Variants in SPOCD1 observed in about 807,000 individuals in gnomAD.
The protein encoded by SPOCD1 is SPOC domain containing 1, also known as SPOC domain-containing protein 1.
Under a neutral mutation model 92.2 loss-of-function variants are expected in SPOCD1, and 64 were observed. The ratio of observed to expected loss-of-function variants is 0.69; its 90% confidence interval spans 0.57 to 0.86. The LOEUF (loss-of-function observed/expected upper bound fraction) is 0.86. SPOCD1 is among the 40% of genes least tolerant of loss of function. The pLI, the probability that SPOCD1 is intolerant of heterozygous loss-of-function variation, is 0.00. For synonymous variants in SPOCD1, 578 were observed against 619.3 expected, an observed-to-expected ratio of 0.93 and a Z score of 0.99; for missense variants, 1,360 against 1,543.1, an observed-to-expected ratio of 0.88 and a Z score of 1.99.
At chr1:31,812,724 T>G (rs1430356043) in intron 2 of SPOCD1, among the ~76,000 whole-genome samples, 1 of 152,202 alleles carries the variant, frequency 6.6e-6, no homozygotes, top group Non-Finnish European at 1.5e-5. Flanking sequence ...CCAGCACATG[T>G]TAAGCAAGCC....
In SPOCD1 at chr1:31,790,455, A is replaced by G; in HGVS notation, c.*148T>C. ...TTACCAAATTCTTTATTGAACAAAAAATCAACAGCAAACATTGTCAAACAG... is the reference window on the plus strand; with the variant it reads ...TTACCAAATTCTTTATTGAACAAAAGATCAACAGCAAACATTGTCAAACAG... On this transcript the variant is annotated 3_prime_UTR_variant, in exon 16 of 16. Transcript: ENST00000360482. The G allele has an allele frequency of 1.3e-6, 1 of 762,100 alleles. No homozygotes were observed. The highest frequency in any genetic ancestry group is 2.8e-5 in the East Asian group (1 of 36,340). 47.2% of individuals were successfully genotyped at this position (762,100 alleles called of 1,614,324 possible).
rs760286334 is a variant in SPOCD1, at chr1:31,815,135, C to G, written c.199G>C (p.Gly67Arg). Reference sequence around the variant, plus strand: ...GCACCTGCAGCCCGGGAGCTGCCACCTCGAAGGGCCTCCTTCCTGGGGATC... The same window carrying G: ...GCACCTGCAGCCCGGGAGCTGCCACGTCGAAGGGCCTCCTTCCTGGGGATC... ...RKIPRKEALRGGSSRAAGAAE... is the reference protein window; with the variant it reads ...RKIPRKEALRRGSSRAAGAAE... The change falls in exon 2 of 16, where the codon GGT (glycine) becomes CGT (arginine). Residue 67 changes from glycine (G) to arginine (R), a missense_variant. By Grantham distance (125) the Gly-to-Arg change is moderately radical. Transcript: ENST00000360482. The G allele has an allele frequency of 4.4e-6, 7 of 1,608,478 alleles. No homozygotes were observed. In the Admixed American group the frequency reaches 1.2e-4, roughly 27 times the overall value.
intron 2 of SPOCD1, among the ~76,000 whole-genome samples, chr1:31,809,718 T>C (rs994567632): frequency 2.6e-5 from 4 of 152,210 alleles, no homozygotes; most frequent in Non-Finnish European, 5.9e-5. Context: ...ATCTACCTCA[T>C]GGTGTTGGGG....
Position 31,793,762 on chromosome 1 carries a change from G to A in SPOCD1, c.2519C>T (p.Thr840Met), listed in dbSNP as rs142363730. 41 of 1,614,152 alleles carry A rather than the reference G, an allele frequency of 2.5e-5. No homozygotes were observed. The African/African-American group carries it at 2.7e-4, about 10-fold the overall frequency. The change falls in exon 12 of 16, where the codon ACG becomes ATG. Residue 840 changes from threonine (T) to methionine (M), a missense_variant. Transcript: ENST00000360482. ...AACCCCACACCTGTCCTGTGGTTCC[G>A]TGGGAGACAACTCCCTGGTTTTGGG... ...EMPKTRELSP[T>M]EPQDRVPPSG...
chr1:31,814,295 C>A lies in SPOCD1; in HGVS notation c.1039G>T (p.Val347Leu), dbSNP rs770473428. ...SAEQQEAVCV[V>L]RTGSDEGQAP... is the part of the protein sequence containing the mutation. ...TGGCCTTCATCGCTGCCAGTCCGCA[C>A]GACACACACAGCTTCTTGCTGCTCT... The change falls in exon 2 of 16, where the codon GTG becomes TTG. Residue 347 changes from valine to leucine, a missense_variant. By Grantham distance (32) the Val-to-Leu change is conservative. Coordinates refer to ENST00000360482, the MANE Select transcript of SPOCD1 (RefSeq NM_144569.7). The surrounding 1 kb of genome is among the most constrained non-coding windows in gnomAD (Gnocchi z 4.2). 3.8e-6 allele frequency: 6 copies of A among 1,576,840 alleles called. No individual in the cohort carries two copies. In the African/African-American group the frequency reaches 6.7e-5, roughly 18 times the overall value.
rs140694403 is a variant in SPOCD1, at chr1:31,798,556, C to T, written c.1914G>A (p.Glu638=). 37 of 1,613,520 alleles carry T rather than the reference C, an allele frequency of 2.3e-5. No individual in the cohort carries two copies. Among genetic ancestry groups the T allele is most frequent in the Non-Finnish European group, 1.3e-5 (15 of 1,179,988 alleles). ...CTGCCTCAATGCCAGCAGCAATGCC[C>T]TCCACCACCTCCTCACTCAGCACTG... ...PDPVLSEEVV[E]GIAAGIEAAL... is the part of the protein sequence containing the mutation. Residue 638 remains glutamate (E), a synonymous_variant, in exon 8 of 16, where the codon GAG becomes GAA. Coordinates refer to ENST00000360482, the MANE Select transcript of SPOCD1 (RefSeq NM_144569.7). This position sits in a 1 kb window ranked among gnomAD's most constrained non-coding sequence, Gnocchi z 4.1.
intron 2 of SPOCD1, among the ~76,000 whole-genome samples, chr1:31,807,126 G>A (rs1459044855): frequency 2.0e-5 from 3 of 149,378 alleles, no homozygotes; most frequent in South Asian, 4.5e-4. Flanking sequence ...GGTGGCTCAC[G>A]CCTGTAATCC....
intron 2 of SPOCD1, among the ~76,000 whole-genome samples, chr1:31,807,071 A>T (rs1321780252): frequency 6.6e-6 from 1 of 151,770 alleles, no homozygotes; most frequent in Non-Finnish European, 1.5e-5. Context: ...GACAAAAGCA[A>T]CAAAATATGT....
At chr1:31,795,091 G>A (rs1268279819) in intron 10 of SPOCD1, 1 of 152,214 alleles carries the variant, frequency 6.6e-6, no homozygotes, top group Non-Finnish European at 1.5e-5. Flanking sequence ...TTTAAATTAT[G>A]TCCTTAGGAC....
chr1:31,815,966 C>A lies in SPOCD1; in HGVS notation c.-45G>T, dbSNP rs949818709. The stretch of plus-strand genomic sequence containing the variant: ...ATCGGTCGCGTCGCTCTCACCTGGG[C>A]TTCCCTGAGTTTTCCCTCCTGGGGT... On this transcript the variant is annotated 5_prime_UTR_variant, in exon 1 of 16. Transcript: ENST00000360482. 2.7e-5 allele frequency: 4 copies of A among 150,106 alleles called. No homozygotes were observed. Among genetic ancestry groups the A allele is most frequent in the African/African-American group, 4.9e-5 (2 of 40,672 alleles). 9.3% of individuals were successfully genotyped at this position (150,106 alleles called of 1,614,324 possible).
intron 6 of SPOCD1, 53 bp downstream of exon 6, chr1:31,799,756 C>T (rs1648303376): frequency 6.2e-7 from 1 of 1,605,654 alleles, no homozygotes; most frequent in African/African-American, 1.3e-5. Flanking sequence ...TGAGTCCTCC[C>T]CAGACCCCAG....
intron 2 of SPOCD1, among the ~76,000 whole-genome samples, chr1:31,810,069 C>T (rs1029242322): frequency 2.6e-5 from 4 of 152,184 alleles, no homozygotes; most frequent in Non-Finnish European, 5.9e-5. Context: ...AGACAGCCCC[C>T]TCCTCTGCCC....
At position 31,815,159 on chromosome 1, in the gene SPOCD1, T is replaced by C; in HGVS notation, c.175A>G (p.Ile59Val). Residue 59 changes from isoleucine to valine, a missense_variant, in exon 2 of 16, where the codon ATC (isoleucine) becomes GTC (valine). By Grantham distance (29) the Ile-to-Val change is conservative. Transcript: ENST00000360482. Reference sequence around the variant, plus strand: ...CCTCGAAGGGCCTCCTTCCTGGGGATCTTCCTTCTGCTGCCAGCCCTGACT... The same window carrying C: ...CCTCGAAGGGCCTCCTTCCTGGGGACCTTCCTTCTGCTGCCAGCCCTGACT... ...PGVRAGSRRK[I>V]PRKEALRGGS... is the part of the protein sequence containing the mutation. 6.2e-7 allele frequency: 1 copy of C among 1,607,670 alleles called. No homozygotes were observed. Among genetic ancestry groups the C allele is most frequent in the Non-Finnish European group, 8.5e-7 (1 of 1,175,146 alleles).
Position 31,790,654 on chromosome 1 carries a change from C to T in SPOCD1, c.3600G>A (p.Leu1200=), listed in dbSNP as rs1158049445. 12 of 1,551,816 alleles carry T rather than the reference C, an allele frequency of 7.7e-6. No individual in the cohort carries two copies. Among genetic ancestry groups the T allele is most frequent in the Non-Finnish European group, 7.8e-6 (9 of 1,147,104 alleles). ...CAGAGCCAGCTTCATCTGTAGGCCC[C>T]AAAGAGGAGTCACGGGCTGGGCCAG... is the stretch of plus-strand genomic sequence containing the variant. The part of the protein sequence containing the change: ...EPPGPARDSS[L]GPTDEAGSEC... Residue 1200 remains leucine (L), a synonymous_variant, in exon 16 of 16, where the codon TTG becomes TTA. Coordinates refer to ENST00000360482, the MANE Select transcript of SPOCD1 (RefSeq NM_144569.7).
chr1:31,813,570 A>G (rs549238988), intron 2 of SPOCD1, among the ~76,000 whole-genome samples: 8 of 151,388 alleles, frequency 5.3e-5, no homozygotes, highest in South Asian at 4.2e-4. Flanking sequence ...GCCTAGGCAC[A>G]TTATTTTATA....
rs1649426433 is a variant in SPOCD1, at chr1:31,814,599, T to G, written c.735A>C (p.Gln245His). Residue 245 changes from glutamine (Q) to histidine (H), a missense_variant, in exon 2 of 16, where the codon CAA becomes CAC. This residue lies in a region of SPOCD1 where 606 missense variants were observed against 601.5 expected (regional missense o/e 1.01). Coordinates refer to ENST00000360482, the MANE Select transcript of SPOCD1 (RefSeq NM_144569.7). The surrounding 1 kb of genome is among the most constrained non-coding windows in gnomAD (Gnocchi z 4.2). ...DNLLSVGDPP[Q>H]VADLESLGGP... ...CTCCCAAGGACTCCAGGTCAGCAAC[T>G]TGGGGAGGGTCTCCCACAGACAGGA... The G allele has an allele frequency of 6.5e-7, 1 of 1,528,828 alleles. No individual in the cohort carries two copies. The highest frequency in any genetic ancestry group is 2.3e-5 in the East Asian group (1 of 44,080). The allele number at this position is 1,528,828 out of a possible 1,614,324, so 94.7% of individuals were successfully genotyped here.
rs147930097 is a variant in SPOCD1 at position 31,807,063 on chromosome 1, C to T, written c.1384-5358G>A. Among the ~76,000 whole-genome samples the T allele has an allele frequency of 9.8e-4, 149 of 151,294 alleles. 1 individual carries two copies. The highest frequency in any genetic ancestry group is 1.7e-3 in the Non-Finnish European group (115 of 67,824). ...TCATTAAGTTAGAAGGCAATAAAGA[C>T]AAAAGCAACAAAATATGTTTGGAAA... is the stretch of plus-strand genomic sequence containing the variant. On this transcript the variant is annotated intron_variant, in intron 2 of 15. Transcript: ENST00000360482.
intron 11 of SPOCD1, 100 bp downstream of exon 11, chr1:31,794,024 G>A: frequency 6.6e-7 from 1 of 1,507,770 alleles, no homozygotes; most frequent in Admixed American, 1.8e-5. Flanking sequence ...CCCCTGCTCT[G>A]CCACCCTCTC....
chr1:31,793,986 C>G (rs556089601), intron 11 of SPOCD1, 89 bp from the exon 12 acceptor site: 1 of 1,537,834 alleles, frequency 6.5e-7, no homozygotes, highest in Non-Finnish European at 8.8e-7. Flanking sequence ...GAACCAGGTT[C>G]TTTTCTAGGT....
Sources: gnomAD v4.1 joint callset for allele counts (sites outside exome capture counted in the v4.1 genomes callset) on GRCh38, gnomAD v4.1.1 for gene constraint, gnomAD v4.1.1 regional missense constraint, Gnocchi (gnomAD v3.1) non-coding constraint, MANE v1.5 for transcripts, NCBI Gene and HGNC (gene_info 2026-07-23, HGNC 2026-07-21) for gene names.